Variants in TMEM114 observed in about 807,000 individuals in gnomAD.
The protein encoded by TMEM114 is transmembrane protein 114, also known as claudin-26.
A neutral mutation model predicts 6.2 loss-of-function variants in TMEM114; 6 were observed. The ratio of observed to expected loss-of-function variants is 0.97; its 90% CI spans 0.53 to 1.91. The LOEUF (loss-of-function observed/expected upper bound fraction) is 1.91. Among genes scored for constraint, TMEM114 ranks in the 40% most tolerant of loss-of-function variants. The probability of loss-of-function intolerance (pLI) is 0.01; values close to 1 mark genes in which losing one functional copy is unlikely to be tolerated. For synonymous variants in TMEM114, 104 were observed against 73.0 expected, an observed-to-expected ratio of 1.42 and a Z score of -2.16; for missense variants, 218 against 158.3, an observed-to-expected ratio of 1.38 and a Z score of -2.02.
In TMEM114 at chr16:8,562,269, GGAGGGAATGAGTGAGT is replaced by G. The variant is rs1310458675; in HGVS notation, n.213-24459_213-24444del. ...GTGACTGAGTAAATGAGTGAGGGAG[GGAGGGAATGAGTGAGT>G]GAGTGAGTGAATGAGTGAGTAAATG... is the stretch of plus-strand genomic sequence containing the variant. On this transcript the variant is annotated intron_variant and non_coding_transcript_variant, in intron 2 of 2. Coordinates refer to the TMEM114 transcript ENST00000623677. Among the ~76,000 whole-genome samples, 4 of 114,006 alleles carry G rather than the reference GGAGGGAATGAGTGAGT, an allele frequency of 3.5e-5. No homozygotes were observed. The Admixed American group carries it at 3.8e-4, about 11-fold the overall frequency. 74.8% of individuals were successfully genotyped at this position (114,006 alleles called of 152,430 possible).
intron 2 of TMEM114, among the ~76,000 whole-genome samples, chr16:8,564,207 G>C (rs1159111927): frequency 2.2e-5 from 3 of 138,518 alleles, no homozygotes; most frequent in East Asian, 2.0e-4. Flanking sequence ...GTGAGTGGGT[G>C]AATGAGTGAG....
chr16:8,574,885 A>G (rs1464271036), intron 2 of TMEM114, among the ~76,000 whole-genome samples: 1 of 152,096 alleles, frequency 6.6e-6, no homozygotes, highest in Non-Finnish European at 1.5e-5. Flanking sequence ...TCCTGCTGAA[A>G]TTTGGTTTAG....
intron 2 of TMEM114, among the ~76,000 whole-genome samples, chr16:8,543,202 A>G (rs9928623): frequency 0.24 from 36,994 of 152,084 alleles, 5,132 homozygotes; most frequent in East Asian, 0.36. Context: ...CTGGGCCCCA[A>G]TGGGGGACTA....
downstream of TMEM114, among the ~76,000 whole-genome samples, chr16:8,565,782 A>G (rs930162228): frequency 2.0e-5 from 3 of 152,154 alleles, no homozygotes; most frequent in Non-Finnish European, 2.9e-5. Context: ...GAACTTTGTG[A>G]ACATAACAAT....
the TMEM114 span, among the ~76,000 whole-genome samples, chr16:8,530,339 C>A: frequency 1.3e-5 from 2 of 152,152 alleles, no homozygotes; most frequent in East Asian, 1.9e-4. Context: ...CCCTGTGGGA[C>A]CTTGGACGTG....
downstream of TMEM114, among the ~76,000 whole-genome samples, chr16:8,566,871 C>A (rs1306959566): frequency 1.3e-5 from 2 of 150,742 alleles, no homozygotes; most frequent in Non-Finnish European, 2.9e-5. Context: ...ACATCTCTAC[C>A]AGACACCTTT....
At chr16:8,564,118 T>C (rs1435924557) in intron 2 of TMEM114, among the ~76,000 whole-genome samples, 1 of 151,200 alleles carries the variant, frequency 6.6e-6, no homozygotes, top group African/African-American at 2.5e-5. Context: ...AATAAGTAAG[T>C]GAATGAGTGA....
chr16:8,561,905 TG>T (rs1567201817), intron 2 of TMEM114, among the ~76,000 whole-genome samples: 4 of 58,762 alleles, frequency 6.8e-5, no homozygotes, highest in African/African-American at 3.0e-4. Flanking sequence ...AGTAAATGAG[TG>T]AATGAATGAG....
downstream of TMEM114, among the ~76,000 whole-genome samples, chr16:8,535,439 A>G (rs189293686): frequency 2.5e-3 from 373 of 152,218 alleles, 2 homozygotes; most frequent in African/African-American, 8.5e-3. Context: ...CTTCGCTGAA[A>G]GACATTTGAA....
At chr16:8,565,766 C>G (rs549275853), downstream of TMEM114, among the ~76,000 whole-genome samples, 4 of 152,308 alleles carry the variant, frequency 2.6e-5, no homozygotes, top group African/African-American at 4.8e-5. Context: ...AGCAGAATCA[C>G]CTGGGGAACT....
downstream of TMEM114, among the ~76,000 whole-genome samples, chr16:8,565,755 C>A (rs2141677603): frequency 6.6e-6 from 1 of 152,312 alleles, no homozygotes; most frequent in Admixed American, 6.5e-5. Flanking sequence ...CTCCCCTGCA[C>A]AGCAGAATCA....
chr16:8,558,493 C>T (rs930555460), intron 2 of TMEM114, among the ~76,000 whole-genome samples: 2 of 152,090 alleles, frequency 1.3e-5, no homozygotes, highest in Non-Finnish European at 2.9e-5. Context: ...TAGGGCCCAC[C>T]CTAACCCAAT....
intron 2 of TMEM114, among the ~76,000 whole-genome samples, chr16:8,554,809 C>G (rs1900954897): frequency 6.6e-6 from 1 of 152,160 alleles, no homozygotes. Flanking sequence ...CCACAACAAC[C>G]CTGAGGGTAG....
intron 2 of TMEM114, among the ~76,000 whole-genome samples, chr16:8,547,371 G>A (rs1301802788): frequency 2.8e-5 from 4 of 142,990 alleles, no homozygotes; most frequent in Non-Finnish European, 6.0e-5. Flanking sequence ...GAAGAGACGC[G>A]CTTTCTTTCT....
intron 2 of TMEM114, among the ~76,000 whole-genome samples, chr16:8,585,967 A>C (rs1193883235): frequency 6.6e-6 from 1 of 152,214 alleles, no homozygotes; most frequent in Non-Finnish European, 1.5e-5. Context: ...ACGAGTGAAT[A>C]GACTGTGGAT....
intron 2 of TMEM114, among the ~76,000 whole-genome samples, chr16:8,585,449 C>T (rs1245444633): frequency 6.6e-6 from 1 of 152,058 alleles, no homozygotes; most frequent in Non-Finnish European, 1.5e-5. Context: ...ACACCCCCAC[C>T]AGGATTTATC....
chr16:8,527,351 C>T, the TMEM114 span, among the ~76,000 whole-genome samples: 1 of 152,206 alleles, frequency 6.6e-6, no homozygotes, highest in East Asian at 1.9e-4. Context: ...GCTTTGGTGT[C>T]AGGGACACCC....
At chr16:8,561,149 G>C (rs1901186366) in intron 2 of TMEM114, among the ~76,000 whole-genome samples, 1 of 152,214 alleles carries the variant, frequency 6.6e-6, no homozygotes, top group Admixed American at 6.5e-5. Context: ...GATGAGATTT[G>C]GGTGGGGACA....
At chr16:8,573,519 A>G (rs1339540314) in intron 2 of TMEM114, among the ~76,000 whole-genome samples, 1 of 152,166 alleles carries the variant, frequency 6.6e-6, no homozygotes. Context: ...TACCTCTGTC[A>G]CTATTTGACT....
Sources: gnomAD v4.1 joint callset for allele counts (sites outside exome capture counted in the v4.1 genomes callset) on GRCh38, gnomAD v4.1.1 for gene constraint, MANE v1.5 for transcripts, NCBI Gene and HGNC (gene_info 2026-07-23, HGNC 2026-07-21) for gene names.